Variants in SPIDR observed in about 807,000 individuals in gnomAD.
SPIDR encodes DNA repair-scaffolding protein.
Under a neutral mutation model 104.6 loss-of-function variants are expected in SPIDR, and 93 were observed. That is an observed-to-expected ratio of 0.89 (90% CI 0.75 to 1.06). The LOEUF (loss-of-function observed/expected upper bound fraction) is 1.06, where lower values mean the gene tolerates loss of function less well. Ranked by LOEUF, SPIDR falls within the 50% of genes least tolerant of loss-of-function variation. The pLI is 0.00. For missense variants in SPIDR, 1,154 were observed against 1,111.2 expected (o/e 1.04, Z -0.55); for synonymous variants, 431 against 416.9 (o/e 1.03, Z -0.41).
chr8:47,685,508 T>G (rs1435693869), intron 11 of SPIDR, among the ~76,000 whole-genome samples: 1 of 136,948 alleles, frequency 7.3e-6, no homozygotes, highest in African/African-American at 2.5e-5. Context: ...TTTATTTATT[T>G]ATTTATTTAT....
chr8:47,592,519 G>T, intron 8 of SPIDR: 1 of 1,391,704 alleles, frequency 7.2e-7, no homozygotes, highest in Non-Finnish European at 1.0e-6. Flanking sequence ...AACAGGCATT[G>T]CTCTCATCTG....
intron 8 of SPIDR, among the ~76,000 whole-genome samples, chr8:47,523,476 G>A (rs1236198299): frequency 2.0e-5 from 3 of 152,208 alleles, no homozygotes; most frequent in Middle Eastern, 3.2e-3. Flanking sequence ...AAGGCCAGCT[G>A]AATGTGGAGA....
At chr8:47,291,011 G>T in intron 3 of SPIDR, 22 bp from the exon 4 acceptor site, 1 of 1,568,962 alleles carries the variant, frequency 6.4e-7, no homozygotes, top group Admixed American at 1.7e-5. Context: ...TCATATTTAT[G>T]TGCTTTCTTT....
chr8:47,285,152 A>G (rs2038590560), intron 3 of SPIDR, among the ~76,000 whole-genome samples: 1 of 152,244 alleles, frequency 6.6e-6, no homozygotes, highest in African/African-American at 2.4e-5. Context: ...TACTTGATTG[A>G]TGACAGCAGT....
At chr8:47,724,224 G>A (rs2083865594) in intron 16 of SPIDR, among the ~76,000 whole-genome samples, 1 of 152,184 alleles carries the variant, frequency 6.6e-6, no homozygotes, top group South Asian at 2.1e-4. Flanking sequence ...AGGCAGGGCT[G>A]AGTGCTGCCA....
chr8:47,373,216 A>T (rs2058250507), intron 5 of SPIDR, among the ~76,000 whole-genome samples: 1 of 152,226 alleles, frequency 6.6e-6, no homozygotes, highest in Non-Finnish European at 1.5e-5. Flanking sequence ...AATTTAAAAA[A>T]ATCACATTTG....
intron 1 of SPIDR, among the ~76,000 whole-genome samples, chr8:47,268,964 C>T (rs1478923649): frequency 1.3e-5 from 2 of 151,782 alleles, no homozygotes; most frequent in East Asian, 1.9e-4. Flanking sequence ...CCTAGGAGTT[C>T]GAGACCAGCC....
At chr8:47,518,964 C>G (rs535145840) in intron 8 of SPIDR, among the ~76,000 whole-genome samples, 3 of 151,998 alleles carry the variant, frequency 2.0e-5, no homozygotes, top group Non-Finnish European at 4.4e-5. Flanking sequence ...TAAAGTCTTA[C>G]GTTAGCAAAA....
intron 8 of SPIDR, chr8:47,592,602 C>G: frequency 8.3e-7 from 1 of 1,211,818 alleles, no homozygotes; most frequent in Admixed American, 1.9e-5. Flanking sequence ...CGGGGCAGCC[C>G]TGCCATCTTA....
At chr8:47,393,069 C>T (rs146495327) in intron 5 of SPIDR, among the ~76,000 whole-genome samples, 1 of 152,254 alleles carries the variant, frequency 6.6e-6, no homozygotes, top group African/African-American at 2.4e-5. Context: ...CATCCTGATT[C>T]TCATGATTTC....
chr8:47,574,624 AT>A (rs2058868356), intron 8 of SPIDR, among the ~76,000 whole-genome samples: 1 of 152,072 alleles, frequency 6.6e-6, no homozygotes, highest in Non-Finnish European at 1.5e-5. Context: ...ATAAAAAAAA[AT>A]AAAAACAAAA....
intron 8 of SPIDR, among the ~76,000 whole-genome samples, chr8:47,481,531 C>T (rs1554727033): frequency 6.6e-6 from 1 of 152,200 alleles, no homozygotes. Flanking sequence ...ATCCCAGCTA[C>T]TCTGGAGTCT....
intron 7 of SPIDR, among the ~76,000 whole-genome samples, chr8:47,419,763 T>C: frequency 6.6e-6 from 1 of 152,218 alleles, no homozygotes; most frequent in Admixed American, 6.5e-5. Flanking sequence ...TTTAGTGCTA[T>C]AAATTTCCCT....
At chr8:47,345,670 G>A (rs1166702977) in intron 5 of SPIDR, among the ~76,000 whole-genome samples, 1 of 152,084 alleles carries the variant, frequency 6.6e-6, no homozygotes, top group African/African-American at 2.4e-5. Context: ...CCTTGAAGAG[G>A]TCCTTCAAAT....
intron 10 of SPIDR, among the ~76,000 whole-genome samples, chr8:47,655,425 T>C (rs2154459329): frequency 6.6e-6 from 1 of 152,344 alleles, no homozygotes; most frequent in South Asian, 2.1e-4. Flanking sequence ...TTCTAACTAG[T>C]GTGAGATGGT....
chr8:47,426,376 C>T (rs1345346288), intron 7 of SPIDR, among the ~76,000 whole-genome samples: 1 of 151,336 alleles, frequency 6.6e-6, no homozygotes, highest in Non-Finnish European at 1.5e-5. Context: ...TTTATTCTTT[C>T]TTGCCAAATG....
intron 7 of SPIDR, among the ~76,000 whole-genome samples, chr8:47,424,326 G>A (rs1195730978): frequency 2.0e-5 from 3 of 151,916 alleles, no homozygotes; most frequent in Non-Finnish European, 4.4e-5. Flanking sequence ...ATTTTTTTGA[G>A]TAGGGTCTCC....
intron 10 of SPIDR, among the ~76,000 whole-genome samples, chr8:47,644,192 G>A (rs1160482548): frequency 1.3e-5 from 2 of 152,162 alleles, no homozygotes; most frequent in African/African-American, 2.4e-5. Flanking sequence ...TGTTTATCAA[G>A]GAAGAAGGGC....
chr8:47,302,578 A>T (rs1427869729), intron 5 of SPIDR, among the ~76,000 whole-genome samples: 1 of 151,986 alleles, frequency 6.6e-6, no homozygotes, highest in African/African-American at 2.4e-5. Context: ...TTGTAGTTTT[A>T]TGTACCTTTG....
Sources: gnomAD v4.1 joint callset for allele counts (sites outside exome capture counted in the v4.1 genomes callset) on GRCh38, gnomAD v4.1.1 for gene constraint, MANE v1.5 for transcripts, NCBI Gene and HGNC (gene_info 2026-07-23, HGNC 2026-07-21) for gene names.